NRG2: variants seen among roughly 807,000 people sequenced by gnomAD.
The protein encoded by NRG2 is neuregulin 2, also known as pro-neuregulin-2, membrane-bound isoform.
Under a neutral mutation model 73.9 loss-of-function variants are expected in NRG2, and 27 were observed. That is an observed-to-expected ratio of 0.37 (90% CI 0.27 to 0.50). NRG2 has a LOEUF of 0.50. Ranked by LOEUF, NRG2 falls within the 20% of genes least tolerant of loss-of-function variation. The pLI is 0.96. For missense variants in NRG2, 1,126 were observed against 1,210.1 expected (o/e 0.93, Z 1.03); for synonymous variants, 532 against 541.0 (o/e 0.98, Z 0.23).
chr5:140,039,301 T>C (rs1276071827), intron 1 of NRG2, among the ~76,000 whole-genome samples: 1 of 152,236 alleles, frequency 6.6e-6, no homozygotes, highest in African/African-American at 2.4e-5. Flanking sequence ...ATGATGTTTT[T>C]ATAACATTGT....
intron 1 of NRG2, among the ~76,000 whole-genome samples, chr5:139,992,775 C>G (rs563539099): frequency 3.4e-4 from 52 of 152,320 alleles, no homozygotes; most frequent in African/African-American, 1.1e-3. Context: ...ATCCCAAAAG[C>G]CTCACGTGTG....
At chr5:140,040,167 A>C (rs1018274195) in intron 1 of NRG2, among the ~76,000 whole-genome samples, 2 of 152,192 alleles carry the variant, frequency 1.3e-5, no homozygotes, top group African/African-American at 4.8e-5. Context: ...AAGGCTCCCC[A>C]AAATGGTACC....
At chr5:139,882,974 G>C (rs1763628593) in intron 2 of NRG2, among the ~76,000 whole-genome samples, 1 of 152,116 alleles carries the variant, frequency 6.6e-6, no homozygotes, top group South Asian at 2.1e-4. Flanking sequence ...GTTAGCAGCT[G>C]TCTGATGATT....
chr5:139,906,531 A>T (rs1357066625), intron 1 of NRG2, among the ~76,000 whole-genome samples: 1 of 151,990 alleles, frequency 6.6e-6, no homozygotes, highest in Non-Finnish European at 1.5e-5. Flanking sequence ...TCTGCCCAGG[A>T]TCTCTCTCCC....
At chr5:139,899,728 T>A (rs954075236) in intron 1 of NRG2, among the ~76,000 whole-genome samples, 1 of 152,226 alleles carries the variant, frequency 6.6e-6, no homozygotes, top group African/African-American at 2.4e-5. Context: ...GAAGTAGATA[T>A]CTGACCAGTT....
At chr5:139,977,553 A>T (rs1291940101) in intron 1 of NRG2, among the ~76,000 whole-genome samples, 1 of 152,216 alleles carries the variant, frequency 6.6e-6, no homozygotes, top group East Asian at 1.9e-4. Flanking sequence ...CATCCCCATC[A>T]AGCTACCAGT....
chr5:139,909,634 C>T (rs394138), intron 1 of NRG2, among the ~76,000 whole-genome samples: 4,862 of 152,190 alleles, frequency 0.032, 276 homozygotes, highest in African/African-American at 0.11. Context: ...CATTTTAGTG[C>T]CTGAAAGTCA....
In NRG2 at chr5:139,904,247, G is replaced by A. The variant is rs960362833; in HGVS notation, c.701-16736C>T. ...CACCCGCGCTGCGCTGGGGGCGGGT[G>A]AGCGGGCGGCAGGTTTCTCCCAGGG... On this transcript the variant is annotated intron_variant, in intron 1 of 9. Coordinates refer to ENST00000361474, the MANE Select transcript of NRG2 (RefSeq NM_004883.3). The surrounding 1 kb of genome is among the most constrained non-coding windows in gnomAD (Gnocchi z 6.0). The A allele has an allele frequency of 1.9e-6, 3 of 1,540,350 alleles. No individual in the cohort carries two copies. The highest frequency in any genetic ancestry group is 1.4e-5 in the African/African-American group (1 of 71,664).
intron 2 of NRG2, among the ~76,000 whole-genome samples, chr5:139,884,646 C>T (rs921501664): frequency 6.6e-6 from 1 of 151,922 alleles, no homozygotes; most frequent in African/African-American, 2.4e-5. Flanking sequence ...TTTTTTTTTC[C>T]TGAAGAAAAG....
Position 140,043,280 on chromosome 5 carries a change from G to T in NRG2, c.-211C>A, listed in dbSNP as rs528836087. 44 of 561,744 alleles carry T rather than the reference G, an allele frequency of 7.8e-5. No individual in the cohort carries two copies. In the South Asian group the frequency reaches 8.8e-4, roughly 11 times the overall value. 34.8% of individuals were successfully genotyped at this position (561,744 alleles called of 1,614,324 possible). The stretch of plus-strand genomic sequence containing the variant: ...GCAGCGCAGCGCTCCCACCCTGTGC[G>T]CCAGGACCTGGAGGAGGATGCGGAG... On this transcript the variant is annotated 5_prime_UTR_variant, in exon 1 of 10. Coordinates refer to ENST00000361474, the MANE Select transcript of NRG2 (RefSeq NM_004883.3). The surrounding 1 kb of genome is among the most constrained non-coding windows in gnomAD (Gnocchi z 6.7).
chr5:139,961,997 T>C (rs1443503704), intron 1 of NRG2, among the ~76,000 whole-genome samples: 1 of 152,160 alleles, frequency 6.6e-6, no homozygotes, highest in South Asian at 2.1e-4. Flanking sequence ...CTTGCTTTCC[T>C]GACCAGCACA....
intron 1 of NRG2, among the ~76,000 whole-genome samples, chr5:139,982,228 T>G (rs779791322): frequency 9.9e-5 from 15 of 151,970 alleles, no homozygotes; most frequent in Admixed American, 3.9e-4. Flanking sequence ...TCTGTCTTCC[T>G]CCCCCGATCT....
At chr5:139,930,029 T>C (rs996581107) in intron 1 of NRG2, among the ~76,000 whole-genome samples, 1 of 152,222 alleles carries the variant, frequency 6.6e-6, no homozygotes, top group African/African-American at 2.4e-5. Flanking sequence ...AAGACATTCA[T>C]TTCAGCTTCA....
In NRG2 at chr5:139,848,364, G is replaced by A. The variant is rs1761156053; in HGVS notation, c.2106C>T (p.Ala702=). ...ALGGSLGSLP[A]SPFRIPEDDE... is the part of the protein sequence containing the mutation. ...CGTCCTCGGGGATGCGGAAGGGGCT[G>A]GCAGGCAGGCTGCCCAGGCTGCCGC... is the stretch of plus-strand genomic sequence containing the variant. Residue 702 remains alanine (A), a synonymous_variant, in exon 10 of 10, where the codon GCC becomes GCT. Transcript: ENST00000361474. 8.1e-7 allele frequency: 1 copy of A among 1,238,460 alleles called. No individual in the cohort carries two copies. The allele number at this position is 1,238,460 out of a possible 1,614,324, so 76.7% of individuals were successfully genotyped here. A position where few individuals can be genotyped will look rare whatever the true frequency, so the allele number is the denominator to read the frequency against.
intron 1 of NRG2, among the ~76,000 whole-genome samples, chr5:139,941,021 C>A (rs918923894): frequency 6.6e-6 from 1 of 152,094 alleles, no homozygotes; most frequent in Admixed American, 6.6e-5. Context: ...AAAAAAAGAT[C>A]ATTCTAGACA....
At chr5:140,031,528 A>G (rs1453226362) in intron 1 of NRG2, among the ~76,000 whole-genome samples, 2 of 152,164 alleles carry the variant, frequency 1.3e-5, no homozygotes, top group African/African-American at 2.4e-5. Flanking sequence ...ATCAACCAAT[A>G]ACAATGCTAG....
chr5:140,018,931 A>T (rs557558167), intron 1 of NRG2, among the ~76,000 whole-genome samples: 1 of 152,372 alleles, frequency 6.6e-6, no homozygotes, highest in East Asian at 1.9e-4. Context: ...TTCTGAATGC[A>T]GAAGAAATGT....
intron 1 of NRG2, among the ~76,000 whole-genome samples, chr5:139,892,988 T>C (rs1018321456): frequency 6.6e-6 from 1 of 152,126 alleles, no homozygotes; most frequent in African/African-American, 2.4e-5. Context: ...CCGCAAAGAG[T>C]TTAGCTTGTC....
At chr5:140,041,707 A>G (rs184636712) in intron 1 of NRG2, among the ~76,000 whole-genome samples, 9 of 151,070 alleles carry the variant, frequency 6.0e-5, no homozygotes, top group African/African-American at 1.9e-4. Flanking sequence ...GCTAGTCTTA[A>G]GAGAAGGATG....
Sources: gnomAD v4.1 joint callset for allele counts (sites outside exome capture counted in the v4.1 genomes callset) on GRCh38, gnomAD v4.1.1 for gene constraint, Gnocchi (gnomAD v3.1) non-coding constraint, MANE v1.5 for transcripts, NCBI Gene and HGNC (gene_info 2026-07-23, HGNC 2026-07-21) for gene names.